GLE1: variants seen among roughly 807,000 people sequenced by gnomAD.
GLE1 encodes mRNA export factor GLE1.
Under a neutral mutation model 97.3 loss-of-function variants are expected in GLE1, and 78 were observed. That is an observed-to-expected ratio of 0.80 (90% CI 0.67 to 0.97). The LOEUF is 0.97. Ranked by LOEUF, GLE1 falls within the 50% of genes least tolerant of loss-of-function variation. The probability of loss-of-function intolerance (pLI) is 0.00; values close to 1 mark genes in which losing one functional copy is unlikely to be tolerated. For synonymous variants in GLE1, 302 were observed against 313.4 expected (o/e 0.96, Z 0.39); for missense variants, 753 against 857.5 (o/e 0.88, Z 1.52).
intron 10 of GLE1, 36 bp downstream of exon 10, chr9:128,533,691 A>G (rs1297688640): frequency 6.2e-7 from 1 of 1,613,360 alleles, no homozygotes; most frequent in Non-Finnish European, 8.5e-7. Flanking sequence ...TGGGAAGCAG[A>G]GGCTGGTGTA....
chr9:128,522,545 TG>T, intron 3 of GLE1, 122 bp from the exon 4 acceptor site: 1 of 1,046,830 alleles, frequency 9.6e-7, no homozygotes, highest in Non-Finnish European at 1.4e-6. Flanking sequence ...CCCAGCTACT[TG>T]GGGAGCTGAG....
chr9:128,514,338 C>T (rs372609490), intron 2 of GLE1, among the ~76,000 whole-genome samples: 9 of 91,520 alleles, frequency 9.8e-5, no homozygotes, highest in Middle Eastern at 5.7e-3. Flanking sequence ...GATCTTGTTT[C>T]AAAAAAAAAA....
intron 2 of GLE1, among the ~76,000 whole-genome samples, chr9:128,512,002 G>T (rs1589044537): frequency 1.3e-5 from 2 of 152,116 alleles, no homozygotes; most frequent in African/African-American, 2.4e-5. Context: ...AGTAGACGGG[G>T]TTTCACCATG....
At chr9:128,511,956 C>T (rs559466736) in intron 2 of GLE1, among the ~76,000 whole-genome samples, 11 of 152,008 alleles carry the variant, frequency 7.2e-5, no homozygotes, top group Admixed American at 1.3e-4. Flanking sequence ...GGATTATAGG[C>T]GCCTGCCACC....
At position 128,541,898 on chromosome 9, in the gene GLE1, TGTTTC is replaced by T. The variant is rs1589082576; in HGVS notation, c.*729_*733del. On this transcript the variant is annotated 3_prime_UTR_variant, in exon 16 of 16. Coordinates refer to ENST00000309971, the MANE Select transcript of GLE1 (RefSeq NM_001003722.2). ...TACCTTTTTTGTTTTTGTTTTGTTT[TGTTTC>T]TTTTCTGTTTGAATTAAGATGGGCT... 1 of 152,268 alleles carries T rather than the reference TGTTTC, an allele frequency of 6.6e-6. No homozygotes were observed. The highest frequency in any genetic ancestry group is 2.1e-4 in the South Asian group (1 of 4,832). 9.4% of individuals were successfully genotyped at this position (152,268 alleles called of 1,614,324 possible).
At chr9:128,540,051 C>T (rs920579624) in intron 14 of GLE1, among the ~76,000 whole-genome samples, 5 of 151,856 alleles carry the variant, frequency 3.3e-5, no homozygotes, top group African/African-American at 1.2e-4. Flanking sequence ...AAGACCCCAT[C>T]TCTACAAAAA....
chr9:128,540,125 A>G (rs1847841548), intron 14 of GLE1, 150 bp from the exon 15 acceptor site: 3 of 703,624 alleles, frequency 4.3e-6, no homozygotes, highest in Admixed American at 4.0e-5. Context: ...CTGAGACAGG[A>G]GGATCGCTTG....
At chr9:128,515,476 T>C (rs1026190802) in intron 2 of GLE1, 53 bp from the exon 3 acceptor site, 2 of 960,484 alleles carry the variant, frequency 2.1e-6, no homozygotes, top group African/African-American at 1.7e-5. Context: ...ACACCAACTT[T>C]ACCATATTAA....
At chr9:128,520,789 C>T (rs577066569) in intron 3 of GLE1, among the ~76,000 whole-genome samples, 3 of 151,578 alleles carry the variant, frequency 2.0e-5, no homozygotes, top group Admixed American at 6.6e-5. Context: ...GGTCTCGCTC[C>T]GTTGCTCAGG....
chr9:128,523,763 C>T lies in GLE1; in HGVS notation c.814C>T (p.Leu272Phe). 2 of 1,614,042 alleles carry T rather than the reference C, an allele frequency of 1.2e-6. No homozygotes were observed. The highest frequency in any genetic ancestry group is 2.2e-5 in the South Asian group (2 of 91,080). ...TGCCTCTGAGCAGCACAAAGCCCTG[C>T]TTAAGGTCGACCTGGCTGCCTTCCA... The part of the protein sequence containing the change: ...LDASEQHKAL[L>F]KVDLAAFQTR... The change falls in exon 6 of 16, where the codon CTT becomes TTT. Residue 272 changes from leucine to phenylalanine, a missense_variant. Coordinates refer to ENST00000309971, the MANE Select transcript of GLE1 (RefSeq NM_001003722.2).
rs959820206 is a variant in GLE1 at position 128,523,352 on chromosome 9, G to T, written c.642+12G>T. Reference sequence around the variant, plus strand: ...GTCACAGAGCAAAGGTCAGAGCCTGGCAGAATTGGTGTGGGTGTTTTGGTG... The same window carrying T: ...GTCACAGAGCAAAGGTCAGAGCCTGTCAGAATTGGTGTGGGTGTTTTGGTG... On this transcript the variant is annotated intron_variant, in intron 5 of 15. Transcript: ENST00000309971. 1.1e-5 allele frequency: 17 copies of T among 1,608,780 alleles called. No individual in the cohort carries two copies. Among genetic ancestry groups the T allele is most frequent in the African/African-American group, 2.7e-5 (2 of 74,786 alleles).
chr9:128,525,518 C>A, intron 7 of GLE1, 95 bp downstream of exon 7: 1 of 827,818 alleles, frequency 1.2e-6, no homozygotes, highest in Non-Finnish European at 2.0e-6. Context: ...AACTGTAGGA[C>A]AGTTAACCAG....
intron 2 of GLE1, among the ~76,000 whole-genome samples, chr9:128,512,855 C>T (rs1846865232): frequency 6.6e-6 from 1 of 152,086 alleles, no homozygotes; most frequent in African/African-American, 2.4e-5. Context: ...GACGGGGTTT[C>T]ACCATGTTGG....
intron 13 of GLE1, 54 bp from the exon 14 acceptor site, chr9:128,539,562 C>T: frequency 6.8e-7 from 1 of 1,472,156 alleles, no homozygotes. Flanking sequence ...TGAATCTGTC[C>T]TGTGAGTGTG....
chr9:128,526,853 A>C (rs1847314754), intron 7 of GLE1, among the ~76,000 whole-genome samples: 1 of 151,980 alleles, frequency 6.6e-6, no homozygotes, highest in Admixed American at 6.6e-5. Context: ...TATTTTTTGT[A>C]GAGATGGGAT....
chr9:128,534,997 G>A (rs927458713), intron 11 of GLE1, among the ~76,000 whole-genome samples: 1 of 151,886 alleles, frequency 6.6e-6, no homozygotes, highest in Admixed American at 6.6e-5. Flanking sequence ...GATTACAGGC[G>A]TGAGCCACCA....
At chr9:128,531,828 G>A (rs12551780) in intron 9 of GLE1, among the ~76,000 whole-genome samples, 1 of 136,676 alleles carries the variant, frequency 7.3e-6, no homozygotes, top group South Asian at 2.5e-4. Flanking sequence ...TGAGACTCCA[G>A]CTCAAAAAAA....
intron 14 of GLE1, 77 bp downstream of exon 14, chr9:128,539,775 C>T: frequency 1.2e-6 from 2 of 1,611,078 alleles, no homozygotes; most frequent in East Asian, 2.2e-5. Context: ...GGTGCTATTA[C>T]CTGCTGGTTT....
chr9:128,529,437 C>T (rs895777654), intron 9 of GLE1, among the ~76,000 whole-genome samples: 1 of 152,166 alleles, frequency 6.6e-6, no homozygotes, highest in African/African-American at 2.4e-5. Context: ...ACTGCCTCAT[C>T]GTTTATTGCC....
Sources: gnomAD v4.1 joint callset for allele counts (sites outside exome capture counted in the v4.1 genomes callset) on GRCh38, gnomAD v4.1.1 for gene constraint, MANE v1.5 for transcripts, NCBI Gene and HGNC (gene_info 2026-07-23, HGNC 2026-07-21) for gene names.